TLR4: variants seen among roughly 807,000 people sequenced by gnomAD.
TLR4 encodes the protein toll like receptor 4, also known as toll-like receptor 4.
Under a neutral mutation model 27.4 loss-of-function variants are expected in TLR4, and 17 were observed. The ratio of observed to expected loss-of-function variants is 0.62; its 90% confidence interval spans 0.42 to 0.93. TLR4 has a LOEUF of 0.93. TLR4 is among the 40% of genes least tolerant of loss of function. TLR4 has a pLI of 0.00. For missense variants in TLR4, 926 were observed against 962.3 expected (o/e 0.96, Z 0.50); for synonymous variants, 363 against 365.7 (o/e 0.99, Z 0.08).
Position 117,713,873 on chromosome 9 carries a change from C to T in TLR4, c.1745C>T (p.Ala582Val). 1 of 1,614,006 alleles carries T rather than the reference C, an allele frequency of 6.2e-7. No individual in the cohort carries two copies. Among genetic ancestry groups the T allele is most frequent in the East Asian group, 2.2e-5 (1 of 44,850 alleles). ...TTAAATCTTACTCAGAATGACTTTG[C>T]TTGTACTTGTGAACACCAGAGTTTC... is the stretch of plus-strand genomic sequence containing the variant. ...AFLNLTQNDF[A>V]CTCEHQSFLQ... The change falls in exon 3 of 3, where the codon GCT (alanine) becomes GTT (valine). Residue 582 changes from alanine to valine, a missense_variant. Transcript: ENST00000355622.
At position 117,724,693 on chromosome 9, in the gene TLR4, C is replaced by T; in HGVS notation, c.*10045C>T. On this transcript the variant is annotated 3_prime_UTR_variant, in exon 3 of 3. Transcript: ENST00000355622. ...CTACCTCTCAGTTTTGTTGGCAGTT[C>T]AGTACACGGAAATAAAGTTCTCACT... The T allele has an allele frequency of 6.6e-6, 1 of 152,038 alleles. No homozygotes were observed. The highest frequency in any genetic ancestry group is 1.5e-5 in the Non-Finnish European group (1 of 68,030). 9.4% of individuals were successfully genotyped at this position (152,038 alleles called of 1,614,324 possible). A position where few individuals can be genotyped will look rare whatever the true frequency, so the allele number is the denominator to read the frequency against.
In TLR4 at chr9:117,716,781, C is replaced by T. The variant is rs1829355602; in HGVS notation, c.*2133C>T. 1 of 152,100 alleles carries T rather than the reference C, an allele frequency of 6.6e-6. No homozygotes were observed. The highest frequency in any genetic ancestry group is 2.4e-5 in the African/African-American group (1 of 41,414). The allele number at this position is 152,100 out of a possible 1,614,324, so 9.4% of individuals were successfully genotyped here. A position where few individuals can be genotyped will look rare whatever the true frequency, so the allele number is the denominator to read the frequency against. ...TTGGAGGTGATGGATATATTTATTA[C>T]CTTGATTGTGGTGATGGTTTGACAG... is the stretch of plus-strand genomic sequence containing the variant. On this transcript the variant is annotated 3_prime_UTR_variant, in exon 3 of 3. Transcript: ENST00000355622.
intron 1 of TLR4, 109 bp downstream of exon 1, chr9:117,704,674 A>G (rs1326764493): frequency 2.2e-6 from 2 of 917,144 alleles, no homozygotes; most frequent in East Asian, 2.6e-5. Context: ...GAGTTAAATT[A>G]CCTTAAAGAC....
At chr9:117,708,513 T>A in intron 1 of TLR4, 50 bp from the exon 2 acceptor site, 1 of 1,612,114 alleles carries the variant, frequency 6.2e-7, no homozygotes, top group Non-Finnish European at 8.5e-7. Context: ...GAGAGGGGAG[T>A]TGGGAGACCA....
intron 1 of TLR4, among the ~76,000 whole-genome samples, chr9:117,706,850 T>C (rs928341666): frequency 2.0e-5 from 3 of 152,222 alleles, no homozygotes; most frequent in Admixed American, 2.0e-4. Context: ...AAACTCTTAC[T>C]CTAGACTGTG....
chr9:117,704,623 A>T, intron 1 of TLR4, 58 bp downstream of exon 1: 1 of 1,419,262 alleles, frequency 7.0e-7, no homozygotes, highest in South Asian at 1.2e-5. Context: ...AGAACTTCTC[A>T]CTGTGTGCCC....
rs1829380353 is a variant in TLR4, at chr9:117,718,085, G to A, written c.*3437G>A. ...AACTATATATTTGAATATCTCATTAGCTGAGTAAGGTAGCAAATCATAATT... is the reference window on the plus strand; with the variant it reads ...AACTATATATTTGAATATCTCATTAACTGAGTAAGGTAGCAAATCATAATT... On this transcript the variant is annotated 3_prime_UTR_variant, in exon 3 of 3. Coordinates refer to ENST00000355622, the MANE Select transcript of TLR4 (RefSeq NM_138554.5). 1 of 152,138 alleles carries A rather than the reference G, an allele frequency of 6.6e-6. No homozygotes were observed. Among genetic ancestry groups the A allele is most frequent in the Non-Finnish European group, 1.5e-5 (1 of 68,020 alleles). The allele number at this position is 152,138 out of a possible 1,614,324, so 9.4% of individuals were successfully genotyped here.
Position 117,721,579 on chromosome 9 carries a change from G to C in TLR4, c.*6931G>C, listed in dbSNP as rs547997881. 6.6e-6 allele frequency: 1 copy of C among 152,314 alleles called. No individual in the cohort carries two copies. Among genetic ancestry groups the C allele is most frequent in the South Asian group, 2.1e-4 (1 of 4,828 alleles). 9.4% of individuals were successfully genotyped at this position (152,314 alleles called of 1,614,324 possible). On this transcript the variant is annotated 3_prime_UTR_variant, in exon 3 of 3. Transcript: ENST00000355622. ...ACTTTTAAACAAATGCTTGGCTTAA[G>C]AATCACTTAATGACTTTCATTCTGC...
chr9:117,714,058 G>A lies in TLR4; in HGVS notation c.1930G>A (p.Val644Ile), dbSNP rs370729820. The A allele has an allele frequency of 2.4e-5, 39 of 1,613,862 alleles. No homozygotes were observed. The highest frequency in any genetic ancestry group is 1.5e-4 in the African/African-American group (11 of 74,916). ...IGVSVLSVLV[V>I]SVVAVLVYKF... ...TGTGTCGGTCCTCAGTGTGCTTGTA[G>A]TATCTGTTGTAGCAGTTCTGGTCTA... is the stretch of plus-strand genomic sequence containing the variant. The change falls in exon 3 of 3, where the codon GTA (valine) becomes ATA (isoleucine). Residue 644 changes from valine (V) to isoleucine (I), a missense_variant. By Grantham distance (29) the Val-to-Ile change is conservative. Transcript: ENST00000355622.
At chr9:117,711,932 C>T (rs1264653090) in intron 2 of TLR4, among the ~76,000 whole-genome samples, 1 of 152,086 alleles carries the variant, frequency 6.6e-6, no homozygotes, top group African/African-American at 2.4e-5. Flanking sequence ...TTTCGTATCT[C>T]TGAAATTGAT....
In TLR4 at chr9:117,714,660, A is replaced by G; in HGVS notation, c.*12A>G. On this transcript the variant is annotated 3_prime_UTR_variant, in exon 3 of 3. Coordinates refer to ENST00000355622, the MANE Select transcript of TLR4 (RefSeq NM_138554.5). Reference sequence around the variant, plus strand: ...CAACATCTATCTGAAGAGGAAAAATAAAAACCTCCTGAGGCATTTCTTGCC... The same window carrying G: ...CAACATCTATCTGAAGAGGAAAAATGAAAACCTCCTGAGGCATTTCTTGCC... 1.2e-6 allele frequency: 2 copies of G among 1,610,552 alleles called. No homozygotes were observed. The highest frequency in any genetic ancestry group is 1.7e-6 in the Non-Finnish European group (2 of 1,178,896).
intron 1 of TLR4, chr9:117,708,007 A>G (rs1157579287): frequency 6.0e-6 from 1 of 167,578 alleles, no homozygotes; most frequent in African/African-American, 2.4e-5. Flanking sequence ...AAAATATGGA[A>G]CGCATCATGG....
rs1588096238 is a variant in TLR4 at position 117,715,575 on chromosome 9, T to A, written c.*927T>A. ...ATTTGGGCTAGAGGCAGGAAGGAAGTGGGATGACCTCAGGAGGTCACCTTT... is the reference window on the plus strand; with the variant it reads ...ATTTGGGCTAGAGGCAGGAAGGAAGAGGGATGACCTCAGGAGGTCACCTTT... On this transcript the variant is annotated 3_prime_UTR_variant, in exon 3 of 3. Coordinates refer to ENST00000355622, the MANE Select transcript of TLR4 (RefSeq NM_138554.5). 1 of 152,190 alleles carries A rather than the reference T, an allele frequency of 6.6e-6. No homozygotes were observed. Among genetic ancestry groups the A allele is most frequent in the Non-Finnish European group, 1.5e-5 (1 of 68,036 alleles). The allele number at this position is 152,190 out of a possible 1,614,324, so 9.4% of individuals were successfully genotyped here. A position where few individuals can be genotyped will look rare whatever the true frequency, so the allele number is the denominator to read the frequency against.
Position 117,708,585 on chromosome 9 carries a change from A to T in TLR4, c.116A>T (p.Gln39Leu). The T allele has an allele frequency of 6.2e-7, 1 of 1,613,820 alleles. No individual in the cohort carries two copies. Among genetic ancestry groups the T allele is most frequent in the African/African-American group, 1.3e-5 (1 of 74,986 alleles). The change falls in exon 2 of 3, where the codon CAA (glutamine) becomes CTA (leucine). Residue 39 changes from glutamine (Q) to leucine (L), a missense_variant. Coordinates refer to ENST00000355622, the MANE Select transcript of TLR4 (RefSeq NM_138554.5). The stretch of plus-strand genomic sequence containing the variant: ...CAGGTGGTTCCTAATATTACTTATC[A>T]ATGCATGGAGCTGAATTTCTACAAA... ...CVEVVPNITY[Q>L]CMELNFYKIP...
At position 117,720,575 on chromosome 9, in the gene TLR4, C is replaced by T. The variant is rs964806053; in HGVS notation, c.*5927C>T. On this transcript the variant is annotated 3_prime_UTR_variant, in exon 3 of 3. Transcript: ENST00000355622. The stretch of plus-strand genomic sequence containing the variant: ...AATGGCAATAAAGGTTTAGAAATGA[C>T]GTGATGTTTATGAGAGAAGTGTTTT... 3.3e-5 allele frequency: 5 copies of T among 152,250 alleles called. No homozygotes were observed. The highest frequency in any genetic ancestry group is 3.9e-4 in the East Asian group (2 of 5,186). 9.4% of individuals were successfully genotyped at this position (152,250 alleles called of 1,614,324 possible).
At chr9:117,705,468 C>T (rs1829121229) in intron 1 of TLR4, among the ~76,000 whole-genome samples, 1 of 152,170 alleles carries the variant, frequency 6.6e-6, no homozygotes, top group African/African-American at 2.4e-5. Flanking sequence ...CCATAGTCCT[C>T]CTCCTTGTCC....
rs1167140380 is a variant in TLR4, at chr9:117,714,172, A to G, written c.2044A>G (p.Ser682Gly). ...NIYDAFVIYS[S>G]QDEDWVRNEL... ...CTATGATGCCTTTGTTATCTACTCA[A>G]GCCAGGATGAGGACTGGGTAAGGAA... is the stretch of plus-strand genomic sequence containing the variant. Residue 682 changes from serine (S) to glycine (G), a missense_variant, in exon 3 of 3, where the codon AGC (serine) becomes GGC (glycine). Coordinates refer to ENST00000355622, the MANE Select transcript of TLR4 (RefSeq NM_138554.5). 6.2e-7 allele frequency: 1 copy of G among 1,614,010 alleles called. No individual in the cohort carries two copies. The highest frequency in any genetic ancestry group is 1.7e-5 in the Admixed American group (1 of 59,996).
In TLR4 at chr9:117,714,414, T is replaced by A; in HGVS notation, c.2286T>A (p.Ser762Arg). The change falls in exon 3 of 3, where the codon AGT becomes AGA. Residue 762 changes from serine to arginine, a missense_variant. Ser to Arg is a moderately radical substitution (Grantham distance 110). Coordinates refer to ENST00000355622, the MANE Select transcript of TLR4 (RefSeq NM_138554.5). Reference sequence around the variant, plus strand: ...CTCAGACCTGGCAGTTTCTGAGCAGTCGTGCTGGTATCATCTTCATTGTCC... The same window carrying A: ...CTCAGACCTGGCAGTTTCTGAGCAGACGTGCTGGTATCATCTTCATTGTCC... ...EIAQTWQFLS[S>R]RAGIIFIVLQ... The A allele has an allele frequency of 1.2e-6, 2 of 1,613,432 alleles. No homozygotes were observed. The highest frequency in any genetic ancestry group is 1.7e-6 in the Non-Finnish European group (2 of 1,179,510).
intron 2 of TLR4, among the ~76,000 whole-genome samples, chr9:117,711,927 T>C (rs1216325179): frequency 2.0e-5 from 3 of 152,190 alleles, no homozygotes. Context: ...TAATTTTTCG[T>C]ATCTCTGAAA....
Sources: allele counts gnomAD v4.1 joint callset (sites outside exome capture counted in the v4.1 genomes callset), GRCh38; gene constraint gnomAD v4.1.1; transcripts MANE v1.5; gene names NCBI Gene and HGNC (gene_info 2026-07-23, HGNC 2026-07-21).